TFEC: variants seen among roughly 807,000 people sequenced by gnomAD.
The protein encoded by TFEC is class E basic helix-loop-helix protein 34.
In TFEC, 31 loss-of-function variants were observed where a neutral mutation model predicts 41.6. The observed-to-expected ratio is 0.74, with a 90% CI of 0.56 to 1.01. The LOEUF is 1.01. TFEC is among the 50% of genes least tolerant of loss of function. TFEC has a pLI of 0.00. For synonymous variants in TFEC, 143 were observed against 140.6 expected (o/e 1.02, Z -0.12); for missense variants, 402 against 404.1 (o/e 0.99, Z 0.04).
intron 3 of TFEC, among the ~76,000 whole-genome samples, chr7:115,958,080 CTT>C (rs1462428336): frequency 1.3e-5 from 2 of 151,698 alleles, no homozygotes; most frequent in African/African-American, 4.8e-5. Flanking sequence ...TATTAGGACT[CTT>C]CACGTTTACT....
intron 7 of TFEC, 179 bp from the exon 8 acceptor site, chr7:115,941,110 A>T: frequency 6.3e-6 from 4 of 639,126 alleles, no homozygotes; most frequent in Non-Finnish European, 1.0e-5. Flanking sequence ...CATGAAAAAT[A>T]ACTCTGAGAA....
At chr7:116,158,081 T>C (rs558096004) in intron 1 of TFEC, among the ~76,000 whole-genome samples, 13 of 152,270 alleles carry the variant, frequency 8.5e-5, no homozygotes, top group Non-Finnish European at 1.5e-4. Context: ...TCTATATGCA[T>C]TGAATTAAAA....
intron 1 of TFEC, among the ~76,000 whole-genome samples, chr7:116,017,300 CA>C (rs1220043962): frequency 3.9e-5 from 6 of 152,298 alleles, no homozygotes; most frequent in Admixed American, 3.3e-4. Context: ...CCACTCACTG[CA>C]ACCTCTGCCT....
Position 116,110,148 on chromosome 7 carries a change from C to G in TFEC, c.198+560G>C, listed in dbSNP as rs570484175. ...GTAAATGACAAGTTAATGGGTGCAG[C>G]GCACCAACATGGCACATGTATACAT... On this transcript the variant is annotated intron_variant, in intron 3 of 8. Coordinates refer to the TFEC transcript ENST00000484212. Among the ~76,000 whole-genome samples, 4 of 152,226 alleles carry G rather than the reference C, an allele frequency of 2.6e-5. No individual in the cohort carries two copies. The East Asian group carries it at 7.7e-4, about 29-fold the overall frequency.
intron 1 of TFEC, among the ~76,000 whole-genome samples, chr7:116,016,594 A>G (rs1045767901): frequency 1.3e-4 from 19 of 152,000 alleles, no homozygotes; most frequent in African/African-American, 3.9e-4. Context: ...ATAAAATACT[A>G]TGTACATGCT....
At chr7:116,085,128 A>ATATTGTGTTTAT (rs1797174168) in intron 3 of TFEC, among the ~76,000 whole-genome samples, 1 of 151,920 alleles carries the variant, frequency 6.6e-6, no homozygotes, top group Non-Finnish European at 1.5e-5. Context: ...GCAAAGTCTT[A>ATATTGTGTTTAT]TTAGAAGTAA....
rs1793224062 is a variant in TFEC at position 115,936,285 on chromosome 7, T to G, written c.*4266A>C. On this transcript the variant is annotated 3_prime_UTR_variant, in exon 8 of 8. Transcript: ENST00000265440. Reference sequence around the variant, plus strand: ...TGTATACTAAGTCAAACTGACATACTTATCAACATATAGGGCACTGGAGGG... The same window carrying G: ...TGTATACTAAGTCAAACTGACATACGTATCAACATATAGGGCACTGGAGGG... The G allele has an allele frequency of 6.6e-6, 1 of 151,662 alleles. No homozygotes were observed. The highest frequency in any genetic ancestry group is 1.5e-5 in the Non-Finnish European group (1 of 67,630). 9.4% of individuals were successfully genotyped at this position (151,662 alleles called of 1,614,324 possible). A position where few individuals can be genotyped will look rare whatever the true frequency, so the allele number is the denominator to read the frequency against.
Position 116,021,130 on chromosome 7 carries a change from A to G in TFEC, c.-73+9503T>C, listed in dbSNP as rs561199542. 9.8e-5 allele frequency among the ~76,000 whole-genome samples: 15 copies of G among 152,346 alleles called. No homozygotes were observed. In the East Asian group the frequency reaches 2.9e-3, roughly 29 times the overall value. On this transcript the variant is annotated intron_variant, in intron 1 of 7. Transcript: ENST00000265440. ...TCTAAAGGAACATAAGAATTGATATATAAAAGCATTTCCTTTTAAAAAGCC... is the reference window on the plus strand; with the variant it reads ...TCTAAAGGAACATAAGAATTGATATGTAAAAGCATTTCCTTTTAAAAAGCC...
intron 1 of TFEC, among the ~76,000 whole-genome samples, chr7:116,016,505 G>A (rs1178987159): frequency 6.6e-6 from 1 of 151,964 alleles, no homozygotes; most frequent in African/African-American, 2.4e-5. Context: ...GTGAATTGGG[G>A]GTGCCACAGG....
chr7:115,989,326 C>T (rs940642023), intron 1 of TFEC, among the ~76,000 whole-genome samples: 1 of 152,204 alleles, frequency 6.6e-6, no homozygotes, highest in African/African-American at 2.4e-5. Context: ...CAACTCCCAG[C>T]GTGAGTGATG....
At chr7:115,982,681 G>T (rs566377576) in intron 2 of TFEC, among the ~76,000 whole-genome samples, 4 of 152,088 alleles carry the variant, frequency 2.6e-5, no homozygotes, top group Non-Finnish European at 5.9e-5. Flanking sequence ...TATAGCCATT[G>T]TTCGTTCACA....
intron 3 of TFEC, among the ~76,000 whole-genome samples, chr7:116,100,098 C>T (rs547115949): frequency 6.6e-6 from 1 of 152,202 alleles, no homozygotes; most frequent in East Asian, 1.9e-4. Flanking sequence ...TTTCTGCCTG[C>T]CTTTGTAATA....
intron 3 of TFEC, among the ~76,000 whole-genome samples, chr7:116,040,942 A>T (rs1209727471): frequency 6.6e-6 from 1 of 152,218 alleles, no homozygotes; most frequent in Non-Finnish European, 1.5e-5. Flanking sequence ...TCACAGCTTA[A>T]GAAATTTAAA....
intron 1 of TFEC, among the ~76,000 whole-genome samples, chr7:116,030,202 TATAA>T (rs1405411587): frequency 6.6e-6 from 1 of 152,192 alleles, no homozygotes; most frequent in Non-Finnish European, 1.5e-5. Flanking sequence ...ACTATTTTGC[TATAA>T]ATAGAGCTCA....
rs544410293 is a variant in TFEC, at chr7:116,051,203, G to A, written c.198+59505C>T. 5.9e-5 allele frequency among the ~76,000 whole-genome samples: 9 copies of A among 152,278 alleles called. No individual in the cohort carries two copies. In the East Asian group the frequency reaches 9.6e-4, roughly 16 times the overall value. ...AGGAGATATACCTAATGTAAATGAC[G>A]AGTTAACGAGTGCAGCACACCAACA... On this transcript the variant is annotated intron_variant, in intron 3 of 8. Coordinates refer to the TFEC transcript ENST00000484212.
At chr7:116,096,264 G>A (rs1171857301) in intron 3 of TFEC, among the ~76,000 whole-genome samples, 1 of 151,936 alleles carries the variant, frequency 6.6e-6, no homozygotes, top group African/African-American at 2.4e-5. Context: ...AAATTTTAAG[G>A]GTGGTTTCTT....
intron 1 of TFEC, among the ~76,000 whole-genome samples, chr7:116,121,853 T>C (rs1002877753): frequency 2.0e-5 from 3 of 151,828 alleles, no homozygotes; most frequent in African/African-American, 4.8e-5. Context: ...AAAGGTCAAA[T>C]GGAAAGGAAA....
intron 1 of TFEC, among the ~76,000 whole-genome samples, chr7:116,139,362 C>T (rs1302494165): frequency 6.6e-6 from 1 of 152,160 alleles, no homozygotes; most frequent in East Asian, 1.9e-4. Flanking sequence ...AGCACTCCAT[C>T]CCGCACAGTG....
intron 6 of TFEC, among the ~76,000 whole-genome samples, chr7:115,943,930 G>T (rs1793641618): frequency 6.8e-6 from 1 of 148,074 alleles, no homozygotes; most frequent in African/African-American, 2.5e-5. Flanking sequence ...TATCTTAGGG[G>T]TGTACATCCA....
Sources: allele counts gnomAD v4.1 joint callset (sites outside exome capture counted in the v4.1 genomes callset), GRCh38; gene constraint gnomAD v4.1.1; transcripts MANE v1.5; gene names NCBI Gene and HGNC (gene_info 2026-07-23, HGNC 2026-07-21).